GABRA2: variants seen among roughly 807,000 people sequenced by gnomAD.
GABRA2 encodes gamma-aminobutyric acid receptor subunit alpha-2.
In GABRA2, 16 loss-of-function variants were observed where a neutral mutation model predicts 48.7. The observed-to-expected ratio is 0.33, with a 90% confidence interval of 0.22 to 0.50. The LOEUF (loss-of-function observed/expected upper bound fraction) is 0.50. GABRA2 is among the 20% of genes least tolerant of loss of function. The pLI is 0.98. For synonymous variants in GABRA2, 185 were observed against 184.5 expected (o/e 1.00, Z -0.02); for missense variants, 275 against 535.6 (o/e 0.51, Z 4.80).
intron 3 of GABRA2, among the ~76,000 whole-genome samples, chr4:46,341,080 A>AT (rs1312947409): frequency 6.6e-6 from 1 of 151,948 alleles, no homozygotes; most frequent in Non-Finnish European, 1.5e-5. Flanking sequence ...TCCTTTAAAA[A>AT]ATATATGATG....
At chr4:46,297,084 C>T (rs940743698) in intron 8 of GABRA2, among the ~76,000 whole-genome samples, 1 of 151,948 alleles carries the variant, frequency 6.6e-6, no homozygotes, top group Non-Finnish European at 1.5e-5. Context: ...AAACGGTGGA[C>T]TTGTGATGGT....
intron 3 of GABRA2, among the ~76,000 whole-genome samples, chr4:46,359,784 G>A (rs546441340): frequency 1.3e-5 from 2 of 152,214 alleles, no homozygotes; most frequent in South Asian, 4.2e-4. Flanking sequence ...GGGCATGGAG[G>A]TGGGTGCCTG....
chr4:46,383,050 T>C (rs1419755450), intron 3 of GABRA2, among the ~76,000 whole-genome samples: 2 of 152,158 alleles, frequency 1.3e-5, no homozygotes, highest in African/African-American at 4.8e-5. Flanking sequence ...GCATTCAGAC[T>C]AAAAATGTTG....
At chr4:46,340,252 C>A (rs759766729) in intron 3 of GABRA2, among the ~76,000 whole-genome samples, 1 of 151,674 alleles carries the variant, frequency 6.6e-6, no homozygotes, top group African/African-American at 2.4e-5. Flanking sequence ...ATATAAAATA[C>A]ACCCTTCTAA....
chr4:46,378,022 CGGGA>C (rs1372539374), intron 3 of GABRA2, among the ~76,000 whole-genome samples: 2 of 141,728 alleles, frequency 1.4e-5, no homozygotes, highest in Non-Finnish European at 3.1e-5. Flanking sequence ...CCGCCCCGTC[CGGGA>C]GGGAGGTGGG....
At chr4:46,377,534 C>T (rs1434176423) in intron 3 of GABRA2, among the ~76,000 whole-genome samples, 2 of 151,612 alleles carry the variant, frequency 1.3e-5, no homozygotes, top group Non-Finnish European at 2.9e-5. Context: ...AGCCCCTCCG[C>T]CCAGCAGCCA....
At chr4:46,261,639 G>C (rs1025051113) in intron 9 of GABRA2, 3 of 509,978 alleles carry the variant, frequency 5.9e-6, no homozygotes, top group East Asian at 5.9e-5. Context: ...AGGCAGTCTA[G>C]TCATAAGGAT....
chr4:46,266,022 A>G (rs1718144000), intron 8 of GABRA2, among the ~76,000 whole-genome samples: 2 of 151,792 alleles, frequency 1.3e-5, no homozygotes, highest in African/African-American at 4.8e-5. Flanking sequence ...TTGTGGTGTA[A>G]GAACATACTT....
intron 8 of GABRA2, among the ~76,000 whole-genome samples, chr4:46,262,826 G>A (rs1717256507): frequency 6.6e-6 from 1 of 151,892 alleles, no homozygotes; most frequent in Admixed American, 6.6e-5. Flanking sequence ...AAACCCAGGA[G>A]ACAGAGGTTG....
intron 8 of GABRA2, among the ~76,000 whole-genome samples, chr4:46,286,168 T>C (rs1029094186): frequency 6.6e-6 from 1 of 152,036 alleles, no homozygotes; most frequent in Admixed American, 6.5e-5. Context: ...TATGGATTTG[T>C]CTATCTGGAT....
intron 3 of GABRA2, among the ~76,000 whole-genome samples, chr4:46,379,490 C>G (rs944497199): frequency 2.0e-5 from 3 of 152,150 alleles, no homozygotes; most frequent in Non-Finnish European, 4.4e-5. Context: ...CGAAATCATC[C>G]CAATTTATTT....
chr4:46,259,775 T>C (rs1716589721), intron 9 of GABRA2, among the ~76,000 whole-genome samples: 2 of 151,932 alleles, frequency 1.3e-5, no homozygotes, highest in East Asian at 1.9e-4. Flanking sequence ...AAAAACAGCC[T>C]GTGGACAGAA....
intron 3 of GABRA2, among the ~76,000 whole-genome samples, chr4:46,381,050 C>A (rs913168614): frequency 2.0e-5 from 3 of 152,136 alleles, no homozygotes; most frequent in African/African-American, 7.2e-5. Flanking sequence ...AACTAGCCAA[C>A]CTCCTCGAAA....
chr4:46,315,704 A>G (rs894160110), intron 4 of GABRA2, among the ~76,000 whole-genome samples: 35 of 151,990 alleles, frequency 2.3e-4, no homozygotes, highest in African/African-American at 7.5e-4. Context: ...GAAAGGGACC[A>G]TGTCTTTCAT....
chr4:46,286,496 C>A (rs984581737), intron 8 of GABRA2, among the ~76,000 whole-genome samples: 20 of 152,126 alleles, frequency 1.3e-4, no homozygotes, highest in African/African-American at 4.6e-4. Flanking sequence ...TACGGTAATT[C>A]TCTGTCTAAC....
At chr4:46,322,116 A>C (rs1729554833) in intron 4 of GABRA2, among the ~76,000 whole-genome samples, 1 of 151,992 alleles carries the variant, frequency 6.6e-6, no homozygotes, top group Non-Finnish European at 1.5e-5. Context: ...ACTTTGAAAA[A>C]CACAGAAAAA....
chr4:46,348,787 A>AG (rs1284732947), intron 3 of GABRA2, among the ~76,000 whole-genome samples: 1 of 43,520 alleles, frequency 2.3e-5, no homozygotes, highest in Non-Finnish European at 4.2e-5. Flanking sequence ...GGGTGGGGGG[A>AG]GGGGGGAGGG....
At chr4:46,261,751 G>C (rs932052085) in intron 9 of GABRA2, 175 bp downstream of exon 9, 2 of 639,168 alleles carry the variant, frequency 3.1e-6, no homozygotes, top group Admixed American at 5.2e-5. Context: ...GGAAGTATTA[G>C]TACTACAAGA....
chr4:46,361,622 A>G (rs757195470), intron 3 of GABRA2, among the ~76,000 whole-genome samples: 6 of 152,224 alleles, frequency 3.9e-5, no homozygotes, highest in Non-Finnish European at 7.3e-5. Context: ...CACCTAGTGG[A>G]GCCGTGAGAA....
Sources: allele counts gnomAD v4.1 joint callset (sites outside exome capture counted in the v4.1 genomes callset), GRCh38; gene constraint gnomAD v4.1.1; transcripts MANE v1.5; gene names NCBI Gene and HGNC (gene_info 2026-07-23, HGNC 2026-07-21).